APAF1: variants seen among roughly 807,000 people sequenced by gnomAD.
APAF1 encodes apoptotic peptidase activating factor 1, also known as apoptotic protease-activating factor 1.
In APAF1, 91 loss-of-function variants were observed where a neutral mutation model predicts 152.4. The observed-to-expected ratio is 0.60, with a 90% CI of 0.50 to 0.71. The LOEUF (loss-of-function observed/expected upper bound fraction) is 0.71, where lower values mean the gene tolerates loss of function less well. APAF1 is among the 30% of genes least tolerant of loss of function. The probability of loss-of-function intolerance (pLI) is 0.00; values close to 1 mark genes in which losing one functional copy is unlikely to be tolerated. For synonymous variants in APAF1, 484 were observed against 494.1 expected (o/e 0.98, Z 0.27); for missense variants, 1,283 against 1,472.0 (o/e 0.87, Z 2.10).
Position 98,706,541 on chromosome 12 carries a change from G to C in APAF1, c.2652G>C (p.Trp884Cys), listed in dbSNP as rs1185700637. Residue 884 changes from tryptophan to cysteine, a missense_variant, in exon 19 of 27, where the codon TGG becomes TGC. Transcript: ENST00000551964. Reference sequence around the variant, plus strand: ...CTGATTGCAGAGGACATTTAAGTTGGGTTCATGGTGTGATGTTTTCTCCTG... The same window carrying C: ...CTGATTGCAGAGGACATTTAAGTTGCGTTCATGGTGTGATGTTTTCTCCTG... ...KVADCRGHLS[W>C]VHGVMFSPDG... The C allele has an allele frequency of 6.2e-7, 1 of 1,613,838 alleles. No individual in the cohort carries two copies. The highest frequency in any genetic ancestry group is 2.2e-5 in the East Asian group (1 of 44,874).
At position 98,715,446 on chromosome 12, in the gene APAF1, A is replaced by G. The variant is rs201541593; in HGVS notation, c.2978A>G (p.Asn993Ser). 24 of 1,613,472 alleles carry G rather than the reference A, an allele frequency of 1.5e-5. No homozygotes were observed. The East Asian group carries it at 4.7e-4, about 31-fold the overall frequency. ...GAIEILELVN[N>S]RIFQSRFQHK... The stretch of plus-strand genomic sequence containing the variant: ...TTGAAGATTTTAGAACTTGTAAACA[A>G]TAGAATCTTCCAGTCCAGGTTTCAG... Residue 993 changes from asparagine (N) to serine (S), a missense_variant, in exon 22 of 27, where the codon AAT becomes AGT. Transcript: ENST00000551964.
intron 16 of APAF1, among the ~76,000 whole-genome samples, chr12:98,691,112 CA>C (rs2153329282): frequency 6.6e-6 from 1 of 152,266 alleles, no homozygotes; most frequent in South Asian, 2.1e-4. Context: ...GAGGCTGAGG[CA>C]GGAGAATTGC....
intron 26 of APAF1, among the ~76,000 whole-genome samples, chr12:98,729,561 G>A (rs573410139): frequency 6.6e-6 from 1 of 152,292 alleles, no homozygotes; most frequent in East Asian, 1.9e-4. Context: ...GACCAGTACC[G>A]GTCCATGGCC....
intron 12 of APAF1, among the ~76,000 whole-genome samples, chr12:98,674,128 T>C (rs114825860): frequency 0.017 from 2,555 of 152,186 alleles, 54 homozygotes; most frequent in African/African-American, 0.043. Flanking sequence ...CCTGAGTAGC[T>C]GAGACTACAG....
chr12:98,660,851 G>A (rs1329518041), intron 5 of APAF1, among the ~76,000 whole-genome samples: 1 of 152,214 alleles, frequency 6.6e-6, no homozygotes, highest in African/African-American at 2.4e-5. Context: ...TGCTGAGTAT[G>A]GCAGTGATTC....
At position 98,680,184 on chromosome 12, in the gene APAF1, G is replaced by A. The variant is rs1007725734; in HGVS notation, c.1921-93G>A. 16 of 1,359,770 alleles carry A rather than the reference G, an allele frequency of 1.2e-5. No homozygotes were observed. The Admixed American group carries it at 2.8e-4, about 24-fold the overall frequency. The allele number at this position is 1,359,770 out of a possible 1,614,324, so 84.2% of individuals were successfully genotyped here. On this transcript the variant is annotated intron_variant, in intron 13 of 26. Transcript: ENST00000551964. ...AAGGTTCCTTTCTGTTTTGCAAAAT[G>A]ACAATGATTAAACTCACTTAAAGAT...
rs575545663 is a variant in APAF1 at position 98,721,111 on chromosome 12, A to G, written c.3085-2082A>G. Among the ~76,000 whole-genome samples, 11 of 152,342 alleles carry G rather than the reference A, an allele frequency of 7.2e-5. No individual in the cohort carries two copies. In the East Asian group the frequency reaches 1.2e-3, roughly 16 times the overall value. On this transcript the variant is annotated intron_variant, in intron 22 of 26. Transcript: ENST00000551964. The stretch of plus-strand genomic sequence containing the variant: ...CCAAACTCAACTTTTGCATTTGACT[A>G]ATGGTGGTGGAAGTTTAGTGATATT...
chr12:98,648,935 A>G (rs1368183036), intron 3 of APAF1, 120 bp downstream of exon 3: 13 of 987,626 alleles, frequency 1.3e-5, no homozygotes, highest in Non-Finnish European at 2.1e-5. Flanking sequence ...ATGTTAAAAA[A>G]ATTGTAGTGA....
intron 22 of APAF1, among the ~76,000 whole-genome samples, chr12:98,722,724 TG>T (rs766133042): frequency 6.6e-6 from 1 of 152,176 alleles, no homozygotes; most frequent in Non-Finnish European, 1.5e-5. Context: ...ATTTGAAGCT[TG>T]GGAACTCTTG....
At chr12:98,670,418 C>A (rs2097678700) in intron 10 of APAF1, among the ~76,000 whole-genome samples, 1 of 152,086 alleles carries the variant, frequency 6.6e-6, no homozygotes, top group Admixed American at 6.5e-5. Context: ...TATTTTTTCT[C>A]TTGACGTGTT....
At chr12:98,670,761 AT>A in intron 10 of APAF1, 1 of 388,986 alleles carries the variant, frequency 2.6e-6, no homozygotes, top group East Asian at 3.9e-5. Flanking sequence ...TTCTATTTAA[AT>A]TTTTAACCAA....
At chr12:98,712,693 TTTGTAGAGATGGGGTCCCCTGTG>T in intron 21 of APAF1, 1 of 404,898 alleles carries the variant, frequency 2.5e-6, no homozygotes, top group Admixed American at 3.9e-5. Context: ...ATTTTTTTTT[TTTGTAGAGATGGGGTCCCCTGTG>T]TTGCCCAGGC....
rs2097745483 is a variant in APAF1 at position 98,723,174 on chromosome 12, T to C, written c.3085-19T>C. On this transcript the variant is annotated intron_variant, in intron 22 of 26. Coordinates refer to ENST00000551964, the MANE Select transcript of APAF1 (RefSeq NM_181861.2). Reference sequence around the variant, plus strand: ...GGATCGGGGGAGGATTATAACAGACTTATTTCTTTGATATTCAGGTATGGA... The same window carrying C: ...GGATCGGGGGAGGATTATAACAGACCTATTTCTTTGATATTCAGGTATGGA... 1.2e-6 allele frequency: 2 copies of C among 1,611,924 alleles called. No individual in the cohort carries two copies. The highest frequency in any genetic ancestry group is 1.3e-5 in the African/African-American group (1 of 74,854).
At chr12:98,669,059 G>GT (rs1269767168) in intron 10 of APAF1, among the ~76,000 whole-genome samples, 3 of 152,112 alleles carry the variant, frequency 2.0e-5, no homozygotes, top group African/African-American at 7.2e-5. Flanking sequence ...GTTGTAGTTT[G>GT]TTTTTTTATC....
intron 3 of APAF1, 66 bp from the exon 4 acceptor site, chr12:98,649,421 A>T: frequency 6.4e-7 from 1 of 1,555,968 alleles, no homozygotes; most frequent in Non-Finnish European, 8.9e-7. Context: ...TTTGTTTTTT[A>T]TGGTATTACT....
chr12:98,725,575 CT>C (rs1565895966), intron 25 of APAF1, 35 bp downstream of exon 25: 1 of 1,613,652 alleles, frequency 6.2e-7, no homozygotes, highest in Admixed American at 1.7e-5. Flanking sequence ...CACTGCTCTT[CT>C]TGTAGCTTGG....
At position 98,712,337 on chromosome 12, in the gene APAF1, G is replaced by T. The variant is rs1398831485; in HGVS notation, c.2860G>T (p.Gly954Cys). The change falls in exon 21 of 27, where the codon GGT (glycine) becomes TGT (cysteine). Residue 954 changes from glycine to cysteine, a missense_variant. Coordinates refer to ENST00000551964, the MANE Select transcript of APAF1 (RefSeq NM_181861.2). ...TCATTAGCTCATTAATGGAAGAACA[G>T]GTCAGATTGATTATCTGACTGAAGC... ...RRLQLINGRT[G>C]QIDYLTEAQV... is the part of the protein sequence containing the mutation. 6.2e-7 allele frequency: 1 copy of T among 1,607,302 alleles called. No homozygotes were observed. Among genetic ancestry groups the T allele is most frequent in the Non-Finnish European group, 8.5e-7 (1 of 1,173,996 alleles).
Position 98,715,573 on chromosome 12 carries a change from T to C in APAF1, c.3084+21T>C, listed in dbSNP as rs983738120. On this transcript the variant is annotated intron_variant, in intron 22 of 26. Transcript: ENST00000551964. ...TTCAGGTGAGAGGGAGGATGAACTC[T>C]TAACATATTTAATGCTGATTCTAGC... 8 of 1,612,532 alleles carry C rather than the reference T, an allele frequency of 5.0e-6. No homozygotes were observed. The South Asian group carries it at 7.7e-5, about 15-fold the overall frequency.
rs139788089 is a variant in APAF1, at chr12:98,662,811, G to A, written c.955+5G>A. On this transcript the variant is annotated splice_donor_5th_base_variant and intron_variant, in intron 7 of 26. Coordinates refer to ENST00000551964, the MANE Select transcript of APAF1 (RefSeq NM_181861.2). ...GTATTATAAAAGAATGTAAAGGTAT[G>A]GTTATTTATTTGTTTATGAGGAGAT... 2.9e-4 allele frequency: 469 copies of A among 1,606,992 alleles called. 3 individuals carry two copies. In the African/African-American group the frequency reaches 5.5e-3, roughly 19 times the overall value.
Sources: gnomAD v4.1 joint callset for allele counts (sites outside exome capture counted in the v4.1 genomes callset) on GRCh38, gnomAD v4.1.1 for gene constraint, MANE v1.5 for transcripts, NCBI Gene and HGNC (gene_info 2026-07-23, HGNC 2026-07-21) for gene names.